The following SSBP2 variants were observed in gnomAD, a reference collection of about 807,000 sequenced individuals.
SSBP2 encodes single stranded DNA binding protein 2, also known as single-stranded DNA-binding protein 2.
In SSBP2, 17 loss-of-function variants were observed where a neutral mutation model predicts 61.8. The ratio of observed to expected loss-of-function variants is 0.28; its 90% confidence interval spans 0.19 to 0.41. The LOEUF (loss-of-function observed/expected upper bound fraction) is 0.41. Among genes scored for constraint, SSBP2 ranks in the 10% least tolerant of loss-of-function variants. The pLI is 1.00. For synonymous variants in SSBP2, 139 were observed against 141.3 expected, an observed-to-expected ratio of 0.98 and a Z score of 0.12; for missense variants, 310 against 458.7, an observed-to-expected ratio of 0.68 and a Z score of 2.96.
chr5:81,485,983 C>A (rs1766350817), intron 6 of SSBP2, among the ~76,000 whole-genome samples: 1 of 151,956 alleles, frequency 6.6e-6, no homozygotes. Context: ...ATTAACACAA[C>A]TCTTTTTTAA....
chr5:81,462,361 T>G (rs1764601337), intron 9 of SSBP2, among the ~76,000 whole-genome samples: 1 of 152,156 alleles, frequency 6.6e-6, no homozygotes, highest in South Asian at 2.1e-4. Context: ...GCATGGAATA[T>G]TTAGAACAGT....
chr5:81,746,668 T>A (rs1376702797), intron 1 of SSBP2, among the ~76,000 whole-genome samples: 1 of 152,170 alleles, frequency 6.6e-6, no homozygotes, highest in Non-Finnish European at 1.5e-5. Context: ...TGCTTCTTGG[T>A]ATATTCAACT....
chr5:81,498,020 A>G (rs1767420575), intron 5 of SSBP2, among the ~76,000 whole-genome samples: 1 of 152,154 alleles, frequency 6.6e-6, no homozygotes, highest in Admixed American at 6.5e-5. Context: ...GGCCATGTTT[A>G]TAACTGGGAA....
intron 10 of SSBP2, among the ~76,000 whole-genome samples, chr5:81,456,065 C>T (rs1481163955): frequency 6.6e-6 from 1 of 152,152 alleles, no homozygotes; most frequent in Non-Finnish European, 1.5e-5. Context: ...AATATCAAGA[C>T]ATTATCTGTG....
chr5:81,466,310 T>C (rs960633096), intron 9 of SSBP2, among the ~76,000 whole-genome samples: 1 of 152,024 alleles, frequency 6.6e-6, no homozygotes, highest in East Asian at 1.9e-4. Context: ...TATTGGCTGA[T>C]AGAAACAAAC....
chr5:81,698,280 G>C (rs1229019716), intron 1 of SSBP2, among the ~76,000 whole-genome samples: 1 of 152,136 alleles, frequency 6.6e-6, no homozygotes, highest in Non-Finnish European at 1.5e-5. Context: ...ACCTAATGTA[G>C]ATTGTGATGC....
At chr5:81,531,151 T>C (rs928350773) in intron 4 of SSBP2, among the ~76,000 whole-genome samples, 2 of 147,908 alleles carry the variant, frequency 1.4e-5, no homozygotes, top group Non-Finnish European at 1.5e-5. Context: ...GGTGGGTGAA[T>C]CACTTGAGCC....
rs531522015 is a variant in SSBP2 at position 81,658,825 on chromosome 5, C to T, written c.63-8486G>A. Among the ~76,000 whole-genome samples the T allele has an allele frequency of 2.0e-5, 3 of 152,296 alleles. No homozygotes were observed. In the East Asian group the frequency reaches 5.8e-4, roughly 29 times the overall value. On this transcript the variant is annotated intron_variant, in intron 1 of 16. Transcript: ENST00000320672. ...CATCAAAAAGCTTATCCACCACGAT[C>T]AACTTGGCTTCATCACTGTTATGCA...
intron 1 of SSBP2, among the ~76,000 whole-genome samples, chr5:81,662,762 C>CT (rs2153746869): frequency 6.6e-6 from 1 of 152,232 alleles, no homozygotes; most frequent in South Asian, 2.1e-4. Context: ...GATCGAGCCA[C>CT]TACACTCCAG....
chr5:81,657,606 G>C (rs1192324520), intron 1 of SSBP2, among the ~76,000 whole-genome samples: 2 of 152,074 alleles, frequency 1.3e-5, no homozygotes, highest in Non-Finnish European at 2.9e-5. Flanking sequence ...CTTGGAGTTG[G>C]GCCAAATATC....
intron 6 of SSBP2, among the ~76,000 whole-genome samples, chr5:81,475,383 T>C (rs929468942): frequency 6.6e-6 from 1 of 152,154 alleles, no homozygotes; most frequent in Non-Finnish European, 1.5e-5. Flanking sequence ...ATAATTTACA[T>C]GGCCAGATCA....
At chr5:81,710,725 C>T (rs1238593979) in intron 1 of SSBP2, 5 of 454,512 alleles carry the variant, frequency 1.1e-5, no homozygotes, top group African/African-American at 2.0e-5. Context: ...GGATCACAAG[C>T]ATCACCCTTA....
intron 5 of SSBP2, among the ~76,000 whole-genome samples, 164 bp from the exon 6 acceptor site, chr5:81,489,473 T>C (rs1766692230): frequency 6.6e-6 from 1 of 152,158 alleles, no homozygotes; most frequent in Non-Finnish European, 1.5e-5. Flanking sequence ...AAAATTACCA[T>C]CCCATTACTT....
chr5:81,464,585 T>C (rs1764767181), intron 9 of SSBP2, among the ~76,000 whole-genome samples: 1 of 152,156 alleles, frequency 6.6e-6, no homozygotes, highest in East Asian at 1.9e-4. Context: ...ATATAGTCTT[T>C]AATTACTTTA....
At chr5:81,562,163 C>T (rs1232512883) in intron 4 of SSBP2, among the ~76,000 whole-genome samples, 1 of 152,086 alleles carries the variant, frequency 6.6e-6, no homozygotes, top group African/African-American at 2.4e-5. Flanking sequence ...GCTTCGGCCT[C>T]CCAAAGTGCT....
intron 6 of SSBP2, among the ~76,000 whole-genome samples, chr5:81,481,115 T>G (rs1283419935): frequency 1.3e-5 from 2 of 152,220 alleles, no homozygotes; most frequent in African/African-American, 4.8e-5. Flanking sequence ...ACTCAGGTCT[T>G]GAACCTCTCA....
At chr5:81,557,715 T>C (rs1305932947) in intron 4 of SSBP2, among the ~76,000 whole-genome samples, 4 of 152,236 alleles carry the variant, frequency 2.6e-5, no homozygotes, top group African/African-American at 9.6e-5. Context: ...TATTTCTACC[T>C]AACATGTTTC....
intron 2 of SSBP2, among the ~76,000 whole-genome samples, chr5:81,647,890 A>G (rs1334489270): frequency 6.6e-6 from 1 of 152,148 alleles, no homozygotes; most frequent in Non-Finnish European, 1.5e-5. Flanking sequence ...CTTAATCCAC[A>G]TAATGCATTT....
chr5:81,603,026 C>G lies in SSBP2; in HGVS notation c.282+12447G>C, dbSNP rs542709350. Among the ~76,000 whole-genome samples the G allele has an allele frequency of 5.3e-5, 8 of 152,306 alleles. No homozygotes were observed. In the South Asian group the frequency reaches 1.7e-3, roughly 32 times the overall value. ...TGCACTTTAGGTTTTGTTACAGCAACACCCCACTTCCAATATTAAATTCTG... is the reference window on the plus strand; with the variant it reads ...TGCACTTTAGGTTTTGTTACAGCAAGACCCCACTTCCAATATTAAATTCTG... On this transcript the variant is annotated intron_variant, in intron 4 of 16. Transcript: ENST00000320672.
Sources: gnomAD v4.1 joint callset for allele counts (sites outside exome capture counted in the v4.1 genomes callset) on GRCh38, gnomAD v4.1.1 for gene constraint, MANE v1.5 for transcripts, NCBI Gene and HGNC (gene_info 2026-07-23, HGNC 2026-07-21) for gene names.